UTP20: variants seen among roughly 807,000 people sequenced by gnomAD.
The protein encoded by UTP20 is UTP20 small subunit processome component.
In UTP20, 164 loss-of-function variants were observed where a neutral mutation model predicts 329.5. The ratio of observed to expected loss-of-function variants is 0.50; its 90% CI spans 0.44 to 0.57. The LOEUF (loss-of-function observed/expected upper bound fraction) is 0.57. Among genes scored for constraint, UTP20 ranks in the 20% least tolerant of loss-of-function variants. UTP20 has a pLI of 0.00. For synonymous variants in UTP20, 1,151 were observed against 1,159.3 expected (o/e 0.99, Z 0.14); for missense variants, 3,055 against 3,284.2 (o/e 0.93, Z 1.71).
chr12:101,338,664 G>T lies in UTP20; in HGVS notation c.3869-149G>T, dbSNP rs1469054718. The T allele has an allele frequency of 7.2e-6, 5 of 692,770 alleles. No homozygotes were observed. The South Asian group carries it at 1.6e-4, about 22-fold the overall frequency. The allele number at this position is 692,770 out of a possible 1,614,324, so 42.9% of individuals were successfully genotyped here. A position where few individuals can be genotyped will look rare whatever the true frequency, so the allele number is the denominator to read the frequency against. On this transcript the variant is annotated intron_variant, in intron 30 of 61. Coordinates refer to ENST00000261637, the MANE Select transcript of UTP20 (RefSeq NM_014503.3). ...AGCTATTTTGAATAAGAAGAAAGTTGTTTATTTAGAATTTAGAATTTATTT... is the reference window on the plus strand; with the variant it reads ...AGCTATTTTGAATAAGAAGAAAGTTTTTTATTTAGAATTTAGAATTTATTT...
intron 60 of UTP20, 136 bp downstream of exon 60, chr12:101,383,805 ATAT>A (rs1339500470): frequency 6.5e-6 from 2 of 309,092 alleles, no homozygotes; most frequent in Non-Finnish European, 9.9e-6. Context: ...TTTTAATTAT[ATAT>A]TATATACTTA....
chr12:101,342,803 A>C lies in UTP20; in HGVS notation c.4262A>C (p.Glu1421Ala). ...CTVFETLSDF[E>A]SGLKYITDVV... ...TCCTTTCAGACTCTTTCTGATTTTGAGAGTGGGTTAAAATATATTACTGAT... is the reference window on the plus strand; with the variant it reads ...TCCTTTCAGACTCTTTCTGATTTTGCGAGTGGGTTAAAATATATTACTGAT... The change falls in exon 34 of 62, where the codon GAG becomes GCG. Residue 1421 changes from glutamate to alanine, a missense_variant. Coordinates refer to ENST00000261637, the MANE Select transcript of UTP20 (RefSeq NM_014503.3). 1 of 1,613,380 alleles carries C rather than the reference A, an allele frequency of 6.2e-7. No individual in the cohort carries two copies. Among genetic ancestry groups the C allele is most frequent in the South Asian group, 1.1e-5 (1 of 90,866 alleles).
At chr12:101,358,564 A>C (rs1869804247) in intron 43 of UTP20, among the ~76,000 whole-genome samples, 1 of 152,128 alleles carries the variant, frequency 6.6e-6, no homozygotes, top group Admixed American at 6.5e-5. Context: ...GCATGGTGGG[A>C]ACAGATTCTG....
At chr12:101,349,839 T>C (rs1167315584) in intron 38 of UTP20, among the ~76,000 whole-genome samples, 1 of 152,170 alleles carries the variant, frequency 6.6e-6, no homozygotes, top group Non-Finnish European at 1.5e-5. Context: ...CTTGAAGTTG[T>C]TCCATAACTC....
intron 9 of UTP20, 32 bp downstream of exon 9, chr12:101,291,920 T>A: frequency 6.2e-7 from 1 of 1,607,104 alleles, no homozygotes; most frequent in Non-Finnish European, 8.5e-7. Context: ...CTCGAGAGTC[T>A]GGTTTTTAAA....
chr12:101,290,791 C>T lies in UTP20; in HGVS notation c.794C>T (p.Pro265Leu). The T allele has an allele frequency of 6.2e-7, 1 of 1,613,900 alleles. No individual in the cohort carries two copies. The highest frequency in any genetic ancestry group is 8.5e-7 in the Non-Finnish European group (1 of 1,179,888). ...GTCACTGAAACAGAAACTCAACTAC[C>T]ATGGATGTTAATTGGAGAAACACTC... ...GPVTETETQLPWMLIGETLKN... is the reference protein window; with the variant it reads ...GPVTETETQLLWMLIGETLKN... Residue 265 changes from proline (P) to leucine (L), a missense_variant, in exon 8 of 62, where the codon CCA (proline) becomes CTA (leucine). Pro to Leu is a moderately conservative substitution (Grantham distance 98). This residue lies in a region of UTP20 where 2,445 missense variants were observed against 2,575.5 expected (regional missense o/e 0.95). Transcript: ENST00000261637.
chr12:101,320,805 G>T (rs547733765), intron 23 of UTP20, 47 bp from the exon 24 acceptor site: 3 of 1,498,810 alleles, frequency 2.0e-6, no homozygotes, highest in Non-Finnish European at 2.7e-6. Context: ...CTATCCTATG[G>T]TATATGTATA....
intron 58 of UTP20, among the ~76,000 whole-genome samples, 185 bp from the exon 59 acceptor site, chr12:101,382,856 A>G (rs1404873117): frequency 1.4e-5 from 2 of 145,910 alleles, no homozygotes; most frequent in Non-Finnish European, 3.1e-5. Flanking sequence ...TGTCTTTAAA[A>G]AAAAAAAAAA....
At position 101,280,230 on chromosome 12, in the gene UTP20, T is replaced by G; in HGVS notation, c.-53T>G. The G allele has an allele frequency of 6.5e-7, 1 of 1,549,172 alleles. No homozygotes were observed. The highest frequency in any genetic ancestry group is 8.7e-7 in the Non-Finnish European group (1 of 1,144,944). ...CCGCTTTCCCCTCCTTACTGTCGGT[T>G]GCATCCCTTCGACACTCCCGAGGCC... On this transcript the variant is annotated 5_prime_UTR_variant, in exon 1 of 62. Transcript: ENST00000261637.
intron 14 of UTP20, among the ~76,000 whole-genome samples, chr12:101,301,003 C>T (rs1872507090): frequency 6.6e-6 from 1 of 152,104 alleles, no homozygotes; most frequent in East Asian, 1.9e-4. Context: ...TCTTATGGGC[C>T]ACATTCAGTC....
chr12:101,338,059 CTTT>C lies in UTP20; in HGVS notation c.3651_3653del (p.Leu1219del). The C allele has an allele frequency of 6.2e-7, 1 of 1,614,046 alleles. No individual in the cohort carries two copies. The highest frequency in any genetic ancestry group is 8.5e-7 in the Non-Finnish European group (1 of 1,179,956). On this transcript the variant is annotated inframe_deletion, in exon 30 of 62. Coordinates refer to ENST00000261637, the MANE Select transcript of UTP20 (RefSeq NM_014503.3). The stretch of plus-strand genomic sequence containing the variant: ...AATGTTTTTTCTTCCAGATATTTCC[CTTT>C]GCTGGCTAAACAGAAGCCTGGGCAC...
intron 31 of UTP20, among the ~76,000 whole-genome samples, chr12:101,339,347 A>G (rs1035699629): frequency 2.6e-5 from 4 of 152,168 alleles, no homozygotes; most frequent in Admixed American, 2.6e-4. Context: ...TTTAAAAAAA[A>G]TTATTATCTT....
intron 38 of UTP20, among the ~76,000 whole-genome samples, chr12:101,347,859 C>T (rs1271733676): frequency 6.6e-6 from 1 of 152,150 alleles, no homozygotes; most frequent in Non-Finnish European, 1.5e-5. Flanking sequence ...GATGGAGTCT[C>T]ACTCTGTCAC....
intron 40 of UTP20, 76 bp from the exon 41 acceptor site, chr12:101,354,756 T>A: frequency 6.7e-7 from 1 of 1,486,156 alleles, no homozygotes; most frequent in Non-Finnish European, 9.1e-7. Context: ...TGGACGTTGG[T>A]GGGAAAAACT....
chr12:101,366,771 C>A, intron 47 of UTP20, 72 bp downstream of exon 47: 1 of 1,528,026 alleles, frequency 6.5e-7, no homozygotes, highest in Non-Finnish European at 8.8e-7. Flanking sequence ...TGTTGAATTT[C>A]TAGTACTGCT....
At chr12:101,338,005 G>A in intron 29 of UTP20, 46 bp from the exon 30 acceptor site, 1 of 1,555,760 alleles carries the variant, frequency 6.4e-7, no homozygotes, top group Non-Finnish European at 8.8e-7. Context: ...TTTTAGAAGT[G>A]AACATATTGA....
chr12:101,359,118 G>A (rs1006943988), intron 43 of UTP20, among the ~76,000 whole-genome samples: 7 of 152,068 alleles, frequency 4.6e-5, no homozygotes, highest in Non-Finnish European at 1.0e-4. Context: ...TCAGGCTGGA[G>A]TGCACTGCGA....
At chr12:101,282,420 A>G (rs917007666) in intron 2 of UTP20, among the ~76,000 whole-genome samples, 17 of 152,278 alleles carry the variant, frequency 1.1e-4, no homozygotes, top group African/African-American at 3.6e-4. Context: ...CACATTCAAG[A>G]AACTGCAAAG....
intron 2 of UTP20, 106 bp downstream of exon 2, chr12:101,281,302 A>C: frequency 1.0e-6 from 1 of 988,286 alleles, no homozygotes; most frequent in Non-Finnish European, 1.5e-6. Context: ...TGGACATGAA[A>C]TGCTTTAGAC....
Sources: gnomAD v4.1 joint callset for allele counts (sites outside exome capture counted in the v4.1 genomes callset) on GRCh38, gnomAD v4.1.1 for gene constraint, gnomAD v4.1.1 regional missense constraint, MANE v1.5 for transcripts, NCBI Gene and HGNC (gene_info 2026-07-23, HGNC 2026-07-21) for gene names.